TAOK1: variants seen among roughly 807,000 people sequenced by gnomAD.
The protein encoded by TAOK1 is TAO kinase 1, also known as serine/threonine-protein kinase TAO1.
Under a neutral mutation model 138.3 loss-of-function variants are expected in TAOK1, and 21 were observed. The observed-to-expected ratio is 0.15, with a 90% CI of 0.11 to 0.22. The LOEUF (loss-of-function observed/expected upper bound fraction) is 0.22, where lower values mean the gene tolerates loss of function less well. TAOK1 is among the 10% of genes least tolerant of loss of function. TAOK1 has a pLI of 1.00. For synonymous variants in TAOK1, 361 were observed against 398.4 expected (o/e 0.91, Z 1.12); for missense variants, 651 against 1,227.7 (o/e 0.53, Z 7.02).
intron 18 of TAOK1, among the ~76,000 whole-genome samples, chr17:29,532,004 G>GCGCATGCCACCAAGCC (rs1320953559): frequency 6.6e-6 from 1 of 151,920 alleles, no homozygotes; most frequent in Non-Finnish European, 1.5e-5. Context: ...GAGACTACAG[G>GCGCATGCCACCAAGCC]CGCATGCCAC....
chr17:29,504,499 T>A (rs1309128316), intron 13 of TAOK1, among the ~76,000 whole-genome samples: 1 of 151,352 alleles, frequency 6.6e-6, no homozygotes, highest in Non-Finnish European at 1.5e-5. Flanking sequence ...TGAAACCTCA[T>A]CTCTACTAAA....
intron 1 of TAOK1, among the ~76,000 whole-genome samples, chr17:29,419,735 C>T (rs1007695771): frequency 6.6e-6 from 1 of 151,988 alleles, no homozygotes. Flanking sequence ...CTCAAGCGAT[C>T]CTCCCACTTC....
chr17:29,440,668 T>A (rs2029917739), intron 1 of TAOK1, among the ~76,000 whole-genome samples: 1 of 152,034 alleles, frequency 6.6e-6, no homozygotes, highest in South Asian at 2.1e-4. Context: ...CTCTGCCTCC[T>A]GGGTTCAAGC....
intron 8 of TAOK1, among the ~76,000 whole-genome samples, chr17:29,486,420 GT>G (rs2031175042): frequency 1.3e-5 from 2 of 152,048 alleles, no homozygotes; most frequent in South Asian, 4.1e-4. Context: ...ATCACTTGAG[GT>G]CAGGAGTTTT....
chr17:29,401,716 G>A (rs1309951176), intron 1 of TAOK1, among the ~76,000 whole-genome samples: 1 of 151,910 alleles, frequency 6.6e-6, no homozygotes, highest in Non-Finnish European at 1.5e-5. Flanking sequence ...GTGCAGTGGG[G>A]TGATCATGGC....
intron 8 of TAOK1, among the ~76,000 whole-genome samples, chr17:29,487,852 A>G (rs1443117703): frequency 6.6e-6 from 1 of 152,238 alleles, no homozygotes; most frequent in Non-Finnish European, 1.5e-5. Flanking sequence ...CTTATTAATT[A>G]CAAAGGAGAA....
intron 17 of TAOK1, among the ~76,000 whole-genome samples, chr17:29,523,546 C>T (rs1391766326): frequency 6.6e-6 from 1 of 152,136 alleles, no homozygotes; most frequent in Non-Finnish European, 1.5e-5. Flanking sequence ...TGCCACCACG[C>T]CCGGCTAATT....
chr17:29,542,766 G>A lies in TAOK1; in HGVS notation c.2750G>A (p.Gly917Asp). 3 of 1,614,194 alleles carry A rather than the reference G, an allele frequency of 1.9e-6. No individual in the cohort carries two copies. The highest frequency in any genetic ancestry group is 2.5e-6 in the Non-Finnish European group (3 of 1,180,036). Reference protein sequence around the residue: ...ASGWSHNPTGGPGPHWGHPMG... With the variant: ...ASGWSHNPTGDPGPHWGHPMG... Reference sequence around the variant, plus strand: ...GGTTGGTCACACAACCCTACTGGGGGTCCAGGACCTCACTGGGGTCATCCC... The same window carrying A: ...GGTTGGTCACACAACCCTACTGGGGATCCAGGACCTCACTGGGGTCATCCC... Residue 917 changes from glycine to aspartate, a missense_variant, in exon 20 of 20, where the codon GGT becomes GAT. Physicochemically the swap from Gly to Asp is moderately conservative, Grantham distance 94. This residue lies in a region of TAOK1 where 108 missense variants were observed against 120.3 expected (regional missense o/e 0.90). Transcript: ENST00000261716.
chr17:29,542,411 T>G lies in TAOK1; in HGVS notation c.2545-150T>G. The G allele has an allele frequency of 4.5e-6, 3 of 660,188 alleles. No homozygotes were observed. The South Asian group carries it at 1.3e-4, about 29-fold the overall frequency. The allele number at this position is 660,188 out of a possible 1,614,324, so 40.9% of individuals were successfully genotyped here. Reference sequence around the variant, plus strand: ...AAACTTTAAAAATTTTTTAATAAATTAAAGGGAAAAAGTTTAAATAAAATT... The same window carrying G: ...AAACTTTAAAAATTTTTTAATAAATGAAAGGGAAAAAGTTTAAATAAAATT... On this transcript the variant is annotated intron_variant, in intron 19 of 19. Transcript: ENST00000261716.
chr17:29,473,934 G>C (rs2030886536), intron 3 of TAOK1, among the ~76,000 whole-genome samples: 1 of 152,082 alleles, frequency 6.6e-6, no homozygotes. Context: ...GTTTCACCTT[G>C]TTGGCCAGGC....
chr17:29,467,298 G>A (rs888331814), intron 3 of TAOK1, 82 bp downstream of exon 3: 7 of 787,082 alleles, frequency 8.9e-6, no homozygotes, highest in Non-Finnish European at 1.3e-5. Flanking sequence ...TTTTGAGACT[G>A]AGTCTCCCTC....
intron 12 of TAOK1, among the ~76,000 whole-genome samples, chr17:29,501,972 C>T (rs1433336072): frequency 1.3e-5 from 2 of 152,026 alleles, no homozygotes; most frequent in African/African-American, 4.8e-5. Flanking sequence ...AGGAAGTTGA[C>T]ACTGCGGTGA....
At chr17:29,394,712 C>A (rs1426242151) in intron 1 of TAOK1, among the ~76,000 whole-genome samples, 1 of 152,152 alleles carries the variant, frequency 6.6e-6, no homozygotes, top group African/African-American at 2.4e-5. Context: ...CTAATTTAAT[C>A]TTTTAGAAAT....
At position 29,502,570 on chromosome 17, in the gene TAOK1, C is replaced by A; in HGVS notation, c.1204-19C>A. The A allele has an allele frequency of 6.2e-6, 8 of 1,295,102 alleles. No individual in the cohort carries two copies. Among genetic ancestry groups the A allele is most frequent in the Non-Finnish European group, 8.6e-6 (8 of 932,560 alleles). 80.2% of individuals were successfully genotyped at this position (1,295,102 alleles called of 1,614,324 possible). On this transcript the variant is annotated intron_variant, in intron 12 of 19. Coordinates refer to ENST00000261716, the MANE Select transcript of TAOK1 (RefSeq NM_020791.4). The stretch of plus-strand genomic sequence containing the variant: ...AACTGTTCACCTTACATAATATTGT[C>A]TTTTTTTTTTTTTCCTAGGAGGAAG...
intron 1 of TAOK1, among the ~76,000 whole-genome samples, chr17:29,450,838 G>A (rs1214665532): frequency 6.6e-6 from 1 of 152,082 alleles, no homozygotes; most frequent in Non-Finnish European, 1.5e-5. Context: ...ATTAAAACTG[G>A]GTAATCTGAT....
chr17:29,543,250 G>T lies in TAOK1; in HGVS notation c.*228G>T. The T allele has an allele frequency of 2.4e-6, 1 of 416,998 alleles. No individual in the cohort carries two copies. Among genetic ancestry groups the T allele is most frequent in the South Asian group, 4.6e-5 (1 of 21,724 alleles). The allele number at this position is 416,998 out of a possible 1,614,324, so 25.8% of individuals were successfully genotyped here. A position where few individuals can be genotyped will look rare whatever the true frequency, so the allele number is the denominator to read the frequency against. The stretch of plus-strand genomic sequence containing the variant: ...TTTTGGGGAAATTTTGAAAAGTGGA[G>T]TTGATATTAAAAATAAATGTGTATG... On this transcript the variant is annotated 3_prime_UTR_variant, in exon 20 of 20. Coordinates refer to ENST00000261716, the MANE Select transcript of TAOK1 (RefSeq NM_020791.4).
intron 2 of TAOK1, among the ~76,000 whole-genome samples, chr17:29,460,392 A>G (rs1426733931): frequency 1.3e-5 from 2 of 152,106 alleles, no homozygotes; most frequent in Admixed American, 6.5e-5. Context: ...GGGTTTCACC[A>G]TGTTGGCCAG....
intron 1 of TAOK1, among the ~76,000 whole-genome samples, chr17:29,434,416 C>T (rs1905959987): frequency 6.6e-6 from 1 of 152,052 alleles, no homozygotes. Flanking sequence ...GGCTACCAAT[C>T]TAGAAAGAGG....
chr17:29,451,083 G>A (rs897431730), intron 1 of TAOK1, among the ~76,000 whole-genome samples: 1 of 152,194 alleles, frequency 6.6e-6, no homozygotes, highest in Middle Eastern at 3.2e-3. Context: ...GAAGTTTCCT[G>A]TTGTCAGAAA....
Sources: allele counts gnomAD v4.1 joint callset (sites outside exome capture counted in the v4.1 genomes callset), GRCh38; gene constraint gnomAD v4.1.1; regional missense constraint gnomAD v4.1.1; transcripts MANE v1.5; gene names NCBI Gene and HGNC (gene_info 2026-07-23, HGNC 2026-07-21).